Variants in PHKB observed in about 807,000 individuals in gnomAD.
The protein encoded by PHKB is phosphorylase b kinase regulatory subunit beta.
In PHKB, 122 loss-of-function variants were observed where a neutral mutation model predicts 152.1. The observed-to-expected ratio is 0.80, with a 90% CI of 0.69 to 0.93. The LOEUF (loss-of-function observed/expected upper bound fraction) is 0.93. Ranked by LOEUF, PHKB falls within the 40% of genes least tolerant of loss-of-function variation. The pLI, the probability that PHKB is intolerant of heterozygous loss-of-function variation, is 0.00. For missense variants in PHKB, 1,304 were observed against 1,328.4 expected, an observed-to-expected ratio of 0.98 and a Z score of 0.29; for synonymous variants, 436 against 464.9, an observed-to-expected ratio of 0.94 and a Z score of 0.80.
At chr16:47,492,503 A>G (rs1567277775) in intron 1 of PHKB, among the ~76,000 whole-genome samples, 2 of 152,238 alleles carry the variant, frequency 1.3e-5, no homozygotes, top group Non-Finnish European at 2.9e-5. Context: ...TCCATCAGTG[A>G]GAAAGACTTC....
intron 7 of PHKB, among the ~76,000 whole-genome samples, chr16:47,549,545 A>C (rs1971234492): frequency 6.6e-6 from 1 of 151,982 alleles, no homozygotes; most frequent in African/African-American, 2.4e-5. Flanking sequence ...AAATACAAAA[A>C]TTAGCCTGGC....
At chr16:47,586,034 G>T (rs1190070054) in intron 8 of PHKB, among the ~76,000 whole-genome samples, 1 of 152,004 alleles carries the variant, frequency 6.6e-6, no homozygotes, top group East Asian at 1.9e-4. Context: ...CTGCTGTTTT[G>T]TTCTAACTAC....
chr16:47,544,600 A>G (rs1350304246), intron 6 of PHKB, among the ~76,000 whole-genome samples: 1 of 152,222 alleles, frequency 6.6e-6, no homozygotes, highest in East Asian at 1.9e-4. Flanking sequence ...GATGTCTATT[A>G]CATGCAATTG....
intron 6 of PHKB, among the ~76,000 whole-genome samples, chr16:47,538,634 G>C (rs1273783369): frequency 2.0e-5 from 3 of 152,204 alleles, no homozygotes; most frequent in Non-Finnish European, 4.4e-5. Flanking sequence ...CCAGCCATTC[G>C]TCCTTCATGA....
At chr16:47,528,683 TAAAG>T (rs1193594479) in intron 6 of PHKB, among the ~76,000 whole-genome samples, 1 of 142,854 alleles carries the variant, frequency 7.0e-6, no homozygotes, top group Non-Finnish European at 1.5e-5. Context: ...TTTCAATAAA[TAAAG>T]GACTTTTTCT....
At chr16:47,575,762 C>A (rs1971738083) in intron 7 of PHKB, among the ~76,000 whole-genome samples, 1 of 152,078 alleles carries the variant, frequency 6.6e-6, no homozygotes. Context: ...ATACAATGAA[C>A]ATTATTCAGG....
At chr16:47,631,381 T>C (rs1972823741) in intron 14 of PHKB, among the ~76,000 whole-genome samples, 1 of 152,216 alleles carries the variant, frequency 6.6e-6, no homozygotes, top group African/African-American at 2.4e-5. Context: ...AAAAAGCTCT[T>C]GAATAACACG....
intron 8 of PHKB, among the ~76,000 whole-genome samples, chr16:47,580,616 A>G (rs984827022): frequency 4.7e-5 from 7 of 150,472 alleles, no homozygotes; most frequent in African/African-American, 1.5e-4. Context: ...TCCTTGGTTC[A>G]GTGACTTTTC....
intron 6 of PHKB, among the ~76,000 whole-genome samples, chr16:47,546,666 T>C (rs1971172025): frequency 6.6e-6 from 1 of 152,168 alleles, no homozygotes; most frequent in African/African-American, 2.4e-5. Context: ...CGTTTAACTC[T>C]GCAGAAGTTT....
intron 14 of PHKB, among the ~76,000 whole-genome samples, chr16:47,638,325 G>A (rs901870091): frequency 1.1e-4 from 16 of 152,308 alleles, no homozygotes; most frequent in African/African-American, 2.6e-4. Flanking sequence ...GAGGGGAGCC[G>A]CTGTCCAAGG....
chr16:47,652,565 G>T (rs969213009), intron 20 of PHKB, among the ~76,000 whole-genome samples: 1 of 151,726 alleles, frequency 6.6e-6, no homozygotes, highest in African/African-American at 2.4e-5. Context: ...ATTGTTTTTT[G>T]ACTTTTAATA....
chr16:47,493,312 A>G (rs533139668), intron 1 of PHKB, among the ~76,000 whole-genome samples: 3 of 152,364 alleles, frequency 2.0e-5, no homozygotes, highest in Non-Finnish European at 4.4e-5. Context: ...AAGTCACTTT[A>G]TAAAATTTTA....
intron 6 of PHKB, among the ~76,000 whole-genome samples, chr16:47,530,528 T>C (rs1970845038): frequency 6.6e-6 from 1 of 152,164 alleles, no homozygotes; most frequent in South Asian, 2.1e-4. Context: ...TGGATGGCAA[T>C]GGCAGAAATG....
At chr16:47,471,661 T>A (rs1428007243) in intron 1 of PHKB, among the ~76,000 whole-genome samples, 1 of 152,196 alleles carries the variant, frequency 6.6e-6, no homozygotes, top group African/African-American at 2.4e-5. Context: ...TCTACATATC[T>A]CTGACTCAGT....
intron 26 of PHKB, among the ~76,000 whole-genome samples, chr16:47,686,908 C>G (rs1359133355): frequency 6.6e-6 from 1 of 152,110 alleles, no homozygotes; most frequent in East Asian, 1.9e-4. Context: ...TTAAATATCA[C>G]CAGATACTCA....
intron 26 of PHKB, among the ~76,000 whole-genome samples, chr16:47,684,753 C>T (rs373981924): frequency 2.7e-5 from 4 of 150,358 alleles, no homozygotes; most frequent in African/African-American, 4.9e-5. Flanking sequence ...CCAGCCTGGG[C>T]GACTGAGCAA....
In PHKB at chr16:47,610,923, A is replaced by G. The variant is rs776755499; in HGVS notation, c.1458+3A>G. The G allele has an allele frequency of 3.7e-5, 56 of 1,513,550 alleles. No individual in the cohort carries two copies. The highest frequency in any genetic ancestry group is 4.9e-5 in the Non-Finnish European group (53 of 1,088,298). The allele number at this position is 1,513,550 out of a possible 1,614,324, so 93.8% of individuals were successfully genotyped here. A position where few individuals can be genotyped will look rare whatever the true frequency, so the allele number is the denominator to read the frequency against. ...TGAGCATGAGGTTTTCCAATCAGGTAAAGAATTATTCTATTTCTTGATTTA... is the reference window on the plus strand; with the variant it reads ...TGAGCATGAGGTTTTCCAATCAGGTGAAGAATTATTCTATTTCTTGATTTA... On this transcript the variant is annotated splice_donor_region_variant and intron_variant, in intron 14 of 30. Coordinates refer to ENST00000323584, the MANE Select transcript of PHKB (RefSeq NM_000293.3).
At chr16:47,509,299 C>T (rs912639020) in intron 4 of PHKB, among the ~76,000 whole-genome samples, 2 of 152,258 alleles carry the variant, frequency 1.3e-5, no homozygotes, top group Non-Finnish European at 2.9e-5. Context: ...GAATTAACAC[C>T]AGATGGCTTT....
intron 6 of PHKB, among the ~76,000 whole-genome samples, chr16:47,525,434 A>G (rs1970750114): frequency 6.6e-6 from 1 of 152,242 alleles, no homozygotes. Flanking sequence ...CTATTTCAAA[A>G]TGGAGAGAAT....
Sources: gnomAD v4.1 joint callset for allele counts (sites outside exome capture counted in the v4.1 genomes callset) on GRCh38, gnomAD v4.1.1 for gene constraint, MANE v1.5 for transcripts, NCBI Gene and HGNC (gene_info 2026-07-23, HGNC 2026-07-21) for gene names.